Variants in RIN2 observed in about 807,000 individuals in gnomAD.
The protein encoded by RIN2 is Ras and Rab interactor 2.
RIN2 carries 36 observed loss-of-function variants against 78.0 expected under a neutral mutation model. The observed-to-expected ratio is 0.46, with a 90% CI of 0.35 to 0.61. The LOEUF (loss-of-function observed/expected upper bound fraction) is 0.61, where lower values mean the gene tolerates loss of function less well. Among genes scored for constraint, RIN2 ranks in the 20% least tolerant of loss-of-function variants. RIN2 has a pLI of 0.00. For missense variants in RIN2, 1,087 were observed against 1,159.7 expected, an observed-to-expected ratio of 0.94 and a Z score of 0.91; for synonymous variants, 466 against 466.8, an observed-to-expected ratio of 1.00 and a Z score of 0.02.
In RIN2 at chr20:19,974,932, C is replaced by G. The variant is rs1252158717; in HGVS notation, c.907C>G (p.Arg303Gly). Reference protein sequence around the residue: ...TRTPNANGTERTRSPPPRPPP... With the variant: ...TRTPNANGTEGTRSPPPRPPP... ...GACTCCCAACGCGAATGGCACGGAGCGGACTCGGTCCCCCCCACCCAGGCC... is the reference window on the plus strand; with the variant it reads ...GACTCCCAACGCGAATGGCACGGAGGGGACTCGGTCCCCCCCACCCAGGCC... The change falls in exon 9 of 13, where the codon CGG (arginine) becomes GGG (glycine). Residue 303 changes from arginine to glycine, a missense_variant. This residue lies in a region of RIN2 where 706 missense variants were observed against 667.5 expected (regional missense o/e 1.06). Coordinates refer to ENST00000255006, the MANE Select transcript of RIN2 (RefSeq NM_018993.4). 2.5e-6 allele frequency: 4 copies of G among 1,613,586 alleles called. No individual in the cohort carries two copies. Among genetic ancestry groups the G allele is most frequent in the Non-Finnish European group, 3.4e-6 (4 of 1,179,744 alleles).
intron 3 of RIN2, among the ~76,000 whole-genome samples, chr20:19,899,496 G>T (rs555074488): frequency 6.6e-6 from 1 of 152,154 alleles, no homozygotes. Context: ...ACTTCAAACC[G>T]CAAACATTCA....
At chr20:19,980,811 A>C (rs199589) in intron 9 of RIN2, among the ~76,000 whole-genome samples, 51,573 of 151,980 alleles carry the variant, frequency 0.34, 9,822 homozygotes, top group Non-Finnish European at 0.44. Flanking sequence ...GGTCCTACCC[A>C]CAGCCTTGTC....
At chr20:19,963,610 CA>C (rs11358752) in intron 6 of RIN2, among the ~76,000 whole-genome samples, 56,534 of 116,688 alleles carry the variant, frequency 0.48, 12,216 homozygotes, top group East Asian at 0.83. Context: ...ACTCTGTCTC[CA>C]AAAAAAAAAA....
chr20:19,963,475 G>A (rs1012620114), intron 6 of RIN2, among the ~76,000 whole-genome samples: 2 of 151,952 alleles, frequency 1.3e-5, no homozygotes, highest in East Asian at 3.9e-4. Context: ...CAGGCTTGGT[G>A]GTACATGCCT....
intron 5 of RIN2, among the ~76,000 whole-genome samples, chr20:19,957,856 G>A (rs533838989): frequency 8.9e-4 from 135 of 152,328 alleles, no homozygotes; most frequent in Non-Finnish European, 1.6e-3. Context: ...ATTAGATGGT[G>A]CAAAATTTGG....
chr20:19,821,659 G>GCTCTCTCT (rs59384906), intron 2 of RIN2, among the ~76,000 whole-genome samples: 2 of 149,672 alleles, frequency 1.3e-5, no homozygotes, highest in Non-Finnish European at 3.0e-5. Flanking sequence ...TCCTCACGCT[G>GCTCTCTCT]CTCTCTCTCT....
At chr20:19,919,576 C>A (rs767849038) in intron 3 of RIN2, among the ~76,000 whole-genome samples, 1 of 152,026 alleles carries the variant, frequency 6.6e-6, no homozygotes, top group East Asian at 1.9e-4. Flanking sequence ...GAGATCAAGG[C>A]GGGCAGATCA....
chr20:19,823,084 G>A lies in RIN2; in HGVS notation c.-37+23337G>A, dbSNP rs57057886. On this transcript the variant is annotated intron_variant, in intron 2 of 12. Transcript: ENST00000255006. ...TTTATTCAATGCCCATTTTACAGATGAGGAAACTAAAGCACAGAGTAACTA... is the reference window on the plus strand; with the variant it reads ...TTTATTCAATGCCCATTTTACAGATAAGGAAACTAAAGCACAGAGTAACTA... 3.2e-3 allele frequency among the ~76,000 whole-genome samples: 485 copies of A among 152,268 alleles called. 1 individual carries two copies. Among genetic ancestry groups the A allele is most frequent in the African/African-American group, 0.011 (462 of 41,530 alleles).
intron 2 of RIN2, among the ~76,000 whole-genome samples, chr20:19,861,904 C>T (rs1243788837): frequency 6.6e-6 from 1 of 151,970 alleles, no homozygotes; most frequent in Non-Finnish European, 1.5e-5. Context: ...CATATGTGAT[C>T]ACCCTCCATA....
chr20:19,853,217 CT>C (rs1230562488), intron 2 of RIN2, among the ~76,000 whole-genome samples: 5 of 151,938 alleles, frequency 3.3e-5, no homozygotes, highest in African/African-American at 1.2e-4. Context: ...TGAACTCATC[CT>C]TTTTTATGGC....
At chr20:19,888,930 C>CTA (rs1365504080) in intron 2 of RIN2, among the ~76,000 whole-genome samples, 1 of 152,238 alleles carries the variant, frequency 6.6e-6, no homozygotes, top group Non-Finnish European at 1.5e-5. Context: ...TACCCTGCCT[C>CTA]TGAGTTTTCC....
At chr20:19,918,746 T>G (rs970560012) in intron 3 of RIN2, among the ~76,000 whole-genome samples, 2 of 151,484 alleles carry the variant, frequency 1.3e-5, no homozygotes, top group Non-Finnish European at 2.9e-5. Context: ...CATCTGACTT[T>G]ACGGAGTCTG....
At chr20:19,820,067 C>A (rs143402086) in intron 2 of RIN2, among the ~76,000 whole-genome samples, 1 of 152,156 alleles carries the variant, frequency 6.6e-6, no homozygotes, top group Non-Finnish European at 1.5e-5. Flanking sequence ...ATATGGTTCT[C>A]ATTAAATTTA....
intron 1 of RIN2, among the ~76,000 whole-genome samples, chr20:19,787,422 TA>T (rs541323014): frequency 0.12 from 10,587 of 85,874 alleles, 447 homozygotes; most frequent in East Asian, 0.16. Context: ...GACTCCATCT[TA>T]AAAAAAAAAA....
intron 2 of RIN2, among the ~76,000 whole-genome samples, chr20:19,876,169 C>T (rs767403669): frequency 6.6e-6 from 1 of 152,214 alleles, no homozygotes; most frequent in Non-Finnish European, 1.5e-5. Flanking sequence ...AAAGAGGAAG[C>T]AGACTCCACA....
rs375107572 is a variant in RIN2, at chr20:19,957,380, CAA to C, written c.351+578_351+579del. Reference sequence around the variant, plus strand: ...CACTCCACGACTTGTGGAAGGTCCTCAAAAAAGTGACTGGAGCCGGGCACGGT... The same window carrying C: ...CACTCCACGACTTGTGGAAGGTCCTCAAAAGTGACTGGAGCCGGGCACGGT... On this transcript the variant is annotated intron_variant, in intron 5 of 12. Coordinates refer to ENST00000255006, the MANE Select transcript of RIN2 (RefSeq NM_018993.4). Among the ~76,000 whole-genome samples the C allele has an allele frequency of 4.4e-3, 664 of 152,276 alleles. 2 individuals carry two copies. Among genetic ancestry groups the C allele is most frequent in the African/African-American group, 0.015 (626 of 41,568 alleles).
intron 3 of RIN2, among the ~76,000 whole-genome samples, chr20:19,890,031 G>C (rs1456926889): frequency 2.0e-5 from 3 of 151,502 alleles, no homozygotes; most frequent in African/African-American, 7.3e-5. Flanking sequence ...TGGCTTGTTT[G>C]TATGAATCAC....
At chr20:19,869,154 C>CAGAA (rs1197424130) in intron 2 of RIN2, among the ~76,000 whole-genome samples, 6 of 148,774 alleles carry the variant, frequency 4.0e-5, no homozygotes, top group Non-Finnish European at 8.9e-5. Context: ...GTGATGTATA[C>CAGAA]AGAAACACGC....
chr20:19,879,956 A>G (rs2037969532), intron 2 of RIN2, among the ~76,000 whole-genome samples: 1 of 152,212 alleles, frequency 6.6e-6, no homozygotes, highest in East Asian at 1.9e-4. Flanking sequence ...ATCAAAAAAT[A>G]TGTATTTTTT....
Sources: gnomAD v4.1 joint callset for allele counts (sites outside exome capture counted in the v4.1 genomes callset) on GRCh38, gnomAD v4.1.1 for gene constraint, gnomAD v4.1.1 regional missense constraint, MANE v1.5 for transcripts, NCBI Gene and HGNC (gene_info 2026-07-23, HGNC 2026-07-21) for gene names.